RUNDC3B: variants seen among roughly 807,000 people sequenced by gnomAD.
The protein encoded by RUNDC3B is RUN domain-containing protein 3B.
RUNDC3B carries 33 observed loss-of-function variants against 58.4 expected under a neutral mutation model. The observed-to-expected ratio is 0.56, with a 90% CI of 0.43 to 0.75. The LOEUF is 0.75. Ranked by LOEUF, RUNDC3B falls within the 30% of genes least tolerant of loss-of-function variation. The pLI is 0.00. For missense variants in RUNDC3B, 501 were observed against 535.7 expected (o/e 0.94, Z 0.64); for synonymous variants, 193 against 195.2 (o/e 0.99, Z 0.10).
chr7:87,805,925 C>A (rs1381652042), intron 8 of RUNDC3B, among the ~76,000 whole-genome samples: 1 of 152,124 alleles, frequency 6.6e-6, no homozygotes, highest in Non-Finnish European at 1.5e-5. Context: ...TTTTGTTTTG[C>A]ATGATTTTCC....
chr7:87,821,170 C>T (rs566049549), intron 10 of RUNDC3B, among the ~76,000 whole-genome samples: 4,245 of 151,784 alleles, frequency 0.028, 57 homozygotes, highest in Middle Eastern at 0.048. Flanking sequence ...TCTCCTTAAG[C>T]TGATAAGCAA....
At chr7:87,755,018 A>C (rs1402826093) in intron 6 of RUNDC3B, among the ~76,000 whole-genome samples, 1 of 148,982 alleles carries the variant, frequency 6.7e-6, no homozygotes, top group South Asian at 2.1e-4. Context: ...GGAATAGCTG[A>C]TACAATTTCT....
rs1428091171 is a variant in RUNDC3B, at chr7:87,777,816, T to C, written c.817T>C (p.Leu273=). 6.2e-7 allele frequency: 1 copy of C among 1,613,660 alleles called. No individual in the cohort carries two copies. The highest frequency in any genetic ancestry group is 8.5e-7 in the Non-Finnish European group (1 of 1,179,752). Reference sequence around the variant, plus strand: ...TTTCCAGGGTTACCTTGAAGAACTCTTACGACTTCGAGAGAACCAACTATC... The same window carrying C: ...TTTCCAGGGTTACCTTGAAGAACTCCTACGACTTCGAGAGAACCAACTATC... ...LEQKGYLEEL[L]RLRENQLSES... Residue 273 remains leucine, a synonymous_variant, in exon 8 of 11, where the codon TTA becomes CTA. Coordinates refer to ENST00000394654, the MANE Select transcript of RUNDC3B (RefSeq NM_001134405.2).
chr7:87,654,880 G>T (rs879765153), intron 2 of RUNDC3B, among the ~76,000 whole-genome samples: 4 of 152,040 alleles, frequency 2.6e-5, no homozygotes, highest in Non-Finnish European at 5.9e-5. Flanking sequence ...TTTAGGCAAA[G>T]AACCTGAATA....
chr7:87,677,119 C>T (rs945462452), intron 2 of RUNDC3B, among the ~76,000 whole-genome samples: 1 of 152,062 alleles, frequency 6.6e-6, no homozygotes, highest in African/African-American at 2.4e-5. Context: ...AGCAGTTCTA[C>T]TTCTGGGTTA....
At chr7:87,637,674 T>G (rs1340797557) in intron 1 of RUNDC3B, among the ~76,000 whole-genome samples, 2 of 152,132 alleles carry the variant, frequency 1.3e-5, no homozygotes, top group Non-Finnish European at 2.9e-5. Context: ...ATTTTTATAT[T>G]ATGGTAACTG....
At chr7:87,760,757 G>A (rs1416695506) in intron 6 of RUNDC3B, among the ~76,000 whole-genome samples, 1 of 151,898 alleles carries the variant, frequency 6.6e-6, no homozygotes, top group Non-Finnish European at 1.5e-5. Context: ...AATGATGCTG[G>A]GACAACTGAC....
In RUNDC3B at chr7:87,628,584, C is replaced by CGTGT. The variant is rs71117546; in HGVS notation, c.-202_-199dup. 0.016 allele frequency: 4,586 copies of CGTGT among 290,292 alleles called. 43 individuals carry two copies. The highest frequency in any genetic ancestry group is 0.028 in the African/African-American group (1,150 of 41,724). The allele number at this position is 290,292 out of a possible 1,614,324, so 18.0% of individuals were successfully genotyped here. A position where few individuals can be genotyped will look rare whatever the true frequency, so the allele number is the denominator to read the frequency against. ...CGAGGGCGGAGGTGGTGCGTGCGTG[C>CGTGT]GTGTGTGTGTGTGTGTGTGTGTGTG... On this transcript the variant is annotated 5_prime_UTR_variant, in exon 1 of 11. Coordinates refer to ENST00000394654, the MANE Select transcript of RUNDC3B (RefSeq NM_001134405.2).
intron 6 of RUNDC3B, among the ~76,000 whole-genome samples, chr7:87,754,211 G>T (rs973150025): frequency 1.3e-5 from 2 of 152,120 alleles, no homozygotes; most frequent in African/African-American, 2.4e-5. Flanking sequence ...CTCAACAAAT[G>T]CAAAAGAACC....
At chr7:87,726,523 T>C (rs892402527) in intron 4 of RUNDC3B, among the ~76,000 whole-genome samples, 2 of 152,146 alleles carry the variant, frequency 1.3e-5, no homozygotes, top group Non-Finnish European at 1.5e-5. Context: ...AGTCAGGTAG[T>C]GTGATGCCTC....
At chr7:87,752,085 GC>G (rs1484650612) in intron 6 of RUNDC3B, among the ~76,000 whole-genome samples, 2 of 152,164 alleles carry the variant, frequency 1.3e-5, no homozygotes, top group African/African-American at 2.4e-5. Flanking sequence ...TTAGCATGAA[GC>G]GTTGTTGAAT....
intron 1 of RUNDC3B, among the ~76,000 whole-genome samples, chr7:87,634,645 A>T (rs1821581598): frequency 6.6e-6 from 1 of 152,158 alleles, no homozygotes; most frequent in Admixed American, 6.5e-5. Flanking sequence ...AAAGAAAAAA[A>T]AAAGAACTTT....
intron 1 of RUNDC3B, among the ~76,000 whole-genome samples, chr7:87,645,775 A>G (rs1822943185): frequency 6.6e-6 from 1 of 152,206 alleles, no homozygotes. Context: ...TTACTCTGGC[A>G]TATACTCATG....
chr7:87,662,242 GC>G lies in RUNDC3B; in HGVS notation c.238+11306del, dbSNP rs1206721479. Reference sequence around the variant, plus strand: ...TGATTGTTTACTTTGCAGTGCAGAAGCTTTTTAACTTGATGTGATCTCACTT... The same window carrying G: ...TGATTGTTTACTTTGCAGTGCAGAAGTTTTTAACTTGATGTGATCTCACTT... On this transcript the variant is annotated intron_variant, in intron 2 of 10. Transcript: ENST00000394654. Among the ~76,000 whole-genome samples the G allele has an allele frequency of 2.0e-5, 3 of 152,088 alleles. No homozygotes were observed. The East Asian group carries it at 5.8e-4, about 29-fold the overall frequency.
intron 2 of RUNDC3B, among the ~76,000 whole-genome samples, chr7:87,671,318 A>G (rs1196475867): frequency 1.3e-5 from 2 of 152,176 alleles, no homozygotes; most frequent in Admixed American, 6.5e-5. Context: ...GCAGTCTCAG[A>G]GAGGCTTTTA....
intron 1 of RUNDC3B, among the ~76,000 whole-genome samples, chr7:87,636,792 A>G (rs1821819362): frequency 6.6e-6 from 1 of 152,208 alleles, no homozygotes; most frequent in Admixed American, 6.5e-5. Context: ...CATTTATTGG[A>G]AAGACCATTG....
intron 10 of RUNDC3B, among the ~76,000 whole-genome samples, chr7:87,824,826 G>A (rs1166780321): frequency 6.6e-6 from 1 of 152,184 alleles, no homozygotes; most frequent in Non-Finnish European, 1.5e-5. Context: ...GAGACTGGCA[G>A]CATTTTGCCC....
chr7:87,707,211 G>A (rs1004957040), intron 3 of RUNDC3B, among the ~76,000 whole-genome samples: 2 of 151,986 alleles, frequency 1.3e-5, no homozygotes, highest in African/African-American at 4.8e-5. Context: ...GGCACATCAA[G>A]AAACAAGATT....
chr7:87,652,621 G>GATATAGATATATATATATAT (rs1823688160), intron 2 of RUNDC3B, among the ~76,000 whole-genome samples: 2 of 125,414 alleles, frequency 1.6e-5, no homozygotes, highest in Non-Finnish European at 3.2e-5. Context: ...TGTGGTCACT[G>GATATAGATATATATATATAT]ATATATATAT....
Sources: allele counts gnomAD v4.1 joint callset (sites outside exome capture counted in the v4.1 genomes callset), GRCh38; gene constraint gnomAD v4.1.1; transcripts MANE v1.5; gene names NCBI Gene and HGNC (gene_info 2026-07-23, HGNC 2026-07-21).